The following ADAM9 variants were observed in gnomAD, a reference collection of about 807,000 sequenced individuals.
ADAM9 encodes the protein disintegrin and metalloproteinase domain-containing protein 9.
Under a neutral mutation model 108.1 loss-of-function variants are expected in ADAM9, and 54 were observed. The observed-to-expected ratio is 0.50, with a 90% CI of 0.40 to 0.63. ADAM9 has a LOEUF of 0.63. Among genes scored for constraint, ADAM9 ranks in the 20% least tolerant of loss-of-function variants. The probability of loss-of-function intolerance (pLI) is 0.00; values close to 1 mark genes in which losing one functional copy is unlikely to be tolerated. For missense variants in ADAM9, 830 were observed against 997.7 expected, an observed-to-expected ratio of 0.83 and a Z score of 2.26; for synonymous variants, 316 against 336.0, an observed-to-expected ratio of 0.94 and a Z score of 0.65.
In ADAM9 at chr8:39,103,651, T is replaced by C; in HGVS notation, c.2411T>C (p.Ile804Thr). ...AAAGTATCATCTCAGGGAAACTTAA[T>C]TCCTGCCCGTCCTGCTCCTGCACCT... ...QPKVSSQGNLIPARPAPAPPL... is the reference protein window; with the variant it reads ...QPKVSSQGNLTPARPAPAPPL... Residue 804 changes from isoleucine (I) to threonine (T), a missense_variant, in exon 22 of 22, where the codon ATT (isoleucine) becomes ACT (threonine). This residue lies in a region of ADAM9 where 238 missense variants were observed against 235.7 expected (regional missense o/e 1.01). Coordinates refer to ENST00000487273, the MANE Select transcript of ADAM9 (RefSeq NM_003816.3). The C allele has an allele frequency of 6.2e-7, 1 of 1,614,176 alleles. No individual in the cohort carries two copies. The highest frequency in any genetic ancestry group is 8.5e-7 in the Non-Finnish European group (1 of 1,180,024).
At chr8:39,097,314 T>C (rs1839538843) in intron 20 of ADAM9, among the ~76,000 whole-genome samples, 1 of 151,942 alleles carries the variant, frequency 6.6e-6, no homozygotes, top group Admixed American at 6.6e-5. Context: ...TCTGACTTTT[T>C]TTTTTTTTTT....
intron 13 of ADAM9, among the ~76,000 whole-genome samples, chr8:39,055,154 A>T (rs956751860): frequency 9.9e-5 from 15 of 152,160 alleles, no homozygotes; most frequent in Non-Finnish European, 1.5e-5. Context: ...GTTACTGCTT[A>T]TAAGAGAAAT....
At position 39,017,076 on chromosome 8, in the gene ADAM9, C is replaced by G; in HGVS notation, c.411-143C>G. 3 of 881,660 alleles carry G rather than the reference C, an allele frequency of 3.4e-6. No homozygotes were observed. The South Asian group carries it at 4.7e-5, about 14-fold the overall frequency. 54.6% of individuals were successfully genotyped at this position (881,660 alleles called of 1,614,324 possible). On this transcript the variant is annotated intron_variant, in intron 5 of 21. Coordinates refer to ENST00000487273, the MANE Select transcript of ADAM9 (RefSeq NM_003816.3). ...TTAGGTCCGTCCCAGCCCTATCTGT[C>G]TGATTCTAAAGCCTCTATTTTCTTC...
intron 20 of ADAM9, among the ~76,000 whole-genome samples, chr8:39,099,722 C>T (rs1413144962): frequency 6.6e-6 from 1 of 152,074 alleles, no homozygotes; most frequent in Non-Finnish European, 1.5e-5. Context: ...TTATGGGGTA[C>T]AGCATGATGT....
chr8:39,001,134 A>C (rs1254170119), intron 1 of ADAM9, among the ~76,000 whole-genome samples: 1 of 152,166 alleles, frequency 6.6e-6, no homozygotes, highest in East Asian at 1.9e-4. Context: ...TTGTGAAGAT[A>C]TCTTGGGCCT....
rs368056753 is a variant in ADAM9 at position 39,104,654 on chromosome 8, A to G, written c.*954A>G. 3 of 450,638 alleles carry G rather than the reference A, an allele frequency of 6.7e-6. No individual in the cohort carries two copies. Among genetic ancestry groups the G allele is most frequent in the African/African-American group, 4.0e-5 (2 of 49,892 alleles). The allele number at this position is 450,638 out of a possible 1,614,324, so 27.9% of individuals were successfully genotyped here. A position where few individuals can be genotyped will look rare whatever the true frequency, so the allele number is the denominator to read the frequency against. ...CTATTAAATCATTTAGAATGTTTAC[A>G]TTTACTAAGGTGTGCTGGGTCATGT... On this transcript the variant is annotated 3_prime_UTR_variant, in exon 22 of 22. Coordinates refer to ENST00000487273, the MANE Select transcript of ADAM9 (RefSeq NM_003816.3).
chr8:39,014,353 T>C, intron 4 of ADAM9: 1 of 539,950 alleles, frequency 1.9e-6, no homozygotes, highest in African/African-American at 1.9e-5. Context: ...CTGATTTTTT[T>C]GTTGAAAGTT....
chr8:39,094,788 A>G (rs2129443398), intron 20 of ADAM9, among the ~76,000 whole-genome samples: 1 of 151,586 alleles, frequency 6.6e-6, no homozygotes, highest in East Asian at 1.9e-4. Flanking sequence ...TCTGATTTTG[A>G]TTCCTCTTTC....
Position 39,014,069 on chromosome 8 carries a change from T to C in ADAM9, c.333+26T>C, listed in dbSNP as rs372386835. 7.6e-6 allele frequency: 12 copies of C among 1,574,326 alleles called. No individual in the cohort carries two copies. In the African/African-American group the frequency reaches 1.2e-4, roughly 16 times the overall value. ...GTAATGTATTTTTCTCTTGATCCCA[T>C]AGCAAATTTTAAAACAATTATAATT... On this transcript the variant is annotated intron_variant, in intron 4 of 21. Transcript: ENST00000487273.
Position 39,007,931 on chromosome 8 carries a change from C to T in ADAM9, c.143C>T (p.Pro48Leu). The change falls in exon 2 of 22, where the codon CCT (proline) becomes CTT (leucine). Residue 48 changes from proline to leucine, a missense_variant. This residue lies in a region of ADAM9 where 211 missense variants were observed against 222.2 expected (regional missense o/e 0.95). Transcript: ENST00000487273. ...CTTTCTTCTTATGAAATTATAACTC[C>T]TTGGAGATTAACTAGAGAAAGAAGA... is the stretch of plus-strand genomic sequence containing the variant. ...SHLSSYEIITPWRLTRERREA... is the reference protein window; with the variant it reads ...SHLSSYEIITLWRLTRERREA... The T allele has an allele frequency of 6.2e-7, 1 of 1,612,378 alleles. No homozygotes were observed. The highest frequency in any genetic ancestry group is 8.5e-7 in the Non-Finnish European group (1 of 1,179,260).
At chr8:39,072,617 G>A (rs914576408) in intron 15 of ADAM9, among the ~76,000 whole-genome samples, 2 of 152,210 alleles carry the variant, frequency 1.3e-5, no homozygotes, top group African/African-American at 4.8e-5. Context: ...CATGTGGCCT[G>A]CGGCCACAGG....
chr8:39,035,982 A>G (rs1254104688), intron 11 of ADAM9, among the ~76,000 whole-genome samples: 3 of 151,364 alleles, frequency 2.0e-5, no homozygotes, highest in Admixed American at 1.3e-4. Flanking sequence ...CCTACCCTCT[A>G]CTTCATAGGC....
At position 39,026,810 on chromosome 8, in the gene ADAM9, C is replaced by G; in HGVS notation, c.1130C>G (p.Ser377Trp). The G allele has an allele frequency of 6.5e-7, 1 of 1,544,650 alleles. No individual in the cohort carries two copies. The highest frequency in any genetic ancestry group is 8.7e-7 in the Non-Finnish European group (1 of 1,154,216). The change falls in exon 11 of 22, where the codon TCG (serine) becomes TGG (tryptophan). Residue 377 changes from serine (S) to tryptophan (W), a missense_variant and splice_region_variant. Transcript: ENST00000487273. ...AKSCIMNSGA[S>W]GSRNFSSCSA... ...AGCTGCATCATGAATTCAGGAGCATCGTGAGTACCTGGGTTCTTCTTCTCC... is the reference window on the plus strand; with the variant it reads ...AGCTGCATCATGAATTCAGGAGCATGGTGAGTACCTGGGTTCTTCTTCTCC...
chr8:39,061,071 A>C (rs1298664736), intron 14 of ADAM9, among the ~76,000 whole-genome samples: 1 of 152,220 alleles, frequency 6.6e-6, no homozygotes, highest in Non-Finnish European at 1.5e-5. Flanking sequence ...GCACAGGGCA[A>C]ATAGGTGAAT....
intron 18 of ADAM9, among the ~76,000 whole-genome samples, chr8:39,085,511 G>A (rs947067130): frequency 6.6e-6 from 1 of 152,034 alleles, no homozygotes; most frequent in Non-Finnish European, 1.5e-5. Context: ...TATAATACCA[G>A]TGTGCTAGTG....
At chr8:39,074,903 CTTT>C (rs1178180888) in intron 15 of ADAM9, among the ~76,000 whole-genome samples, 2 of 113,132 alleles carry the variant, frequency 1.8e-5, no homozygotes, top group Admixed American at 9.3e-5. Flanking sequence ...AGCCCAAAAT[CTTT>C]TTTTTTTTTT....
chr8:39,035,026 G>A (rs1024037723), intron 11 of ADAM9, among the ~76,000 whole-genome samples: 3 of 152,170 alleles, frequency 2.0e-5, no homozygotes, highest in Non-Finnish European at 4.4e-5. Context: ...TGTGTACACA[G>A]GGTGTCTGCA....
At chr8:39,035,041 T>A (rs1308331240) in intron 11 of ADAM9, among the ~76,000 whole-genome samples, 3 of 152,220 alleles carry the variant, frequency 2.0e-5, no homozygotes, top group African/African-American at 7.2e-5. Context: ...TCTGCACATT[T>A]GCTGTCTCTC....
chr8:39,103,513 A>T lies in ADAM9; in HGVS notation c.2367-94A>T, dbSNP rs897536268. 3.4e-6 allele frequency: 4 copies of T among 1,185,448 alleles called. No individual in the cohort carries two copies. In the Admixed American group the frequency reaches 5.1e-5, roughly 15 times the overall value. 73.4% of individuals were successfully genotyped at this position (1,185,448 alleles called of 1,614,324 possible). A position where few individuals can be genotyped will look rare whatever the true frequency, so the allele number is the denominator to read the frequency against. On this transcript the variant is annotated intron_variant, in intron 21 of 21. Transcript: ENST00000487273. ...ACAGTACCCTTTCCTGTTGTCAGAG[A>T]TGTTGAGGATGGTGTTATGTTGAGC...
Sources: allele counts gnomAD v4.1 joint callset (sites outside exome capture counted in the v4.1 genomes callset), GRCh38; gene constraint gnomAD v4.1.1; regional missense constraint gnomAD v4.1.1; transcripts MANE v1.5; gene names NCBI Gene and HGNC (gene_info 2026-07-23, HGNC 2026-07-21).